UBE2H: variants seen among roughly 807,000 people sequenced by gnomAD.
The protein encoded by UBE2H is ubiquitin-conjugating enzyme E2 H.
Under a neutral mutation model 29.0 loss-of-function variants are expected in UBE2H, and 3 were observed. The observed-to-expected ratio is 0.10, with a 90% CI of 0.05 to 0.27. The LOEUF is 0.27. Ranked by LOEUF, UBE2H falls within the 10% of genes least tolerant of loss-of-function variation. UBE2H has a pLI of 1.00. For synonymous variants in UBE2H, 69 were observed against 82.9 expected (o/e 0.83, Z 0.91); for missense variants, 68 against 228.2 (o/e 0.30, Z 4.52).
chr7:129,918,433 A>C (rs537888258), intron 1 of UBE2H, among the ~76,000 whole-genome samples: 1 of 150,626 alleles, frequency 6.6e-6, no homozygotes, highest in African/African-American at 2.5e-5. Flanking sequence ...ATCAAGACTC[A>C]CTGCAACCTC....
intron 1 of UBE2H, among the ~76,000 whole-genome samples, chr7:129,946,417 C>G (rs1172182221): frequency 6.6e-6 from 1 of 152,046 alleles, no homozygotes; most frequent in African/African-American, 2.4e-5. Context: ...AAAAACAGGG[C>G]AGACACATAC....
intron 1 of UBE2H, among the ~76,000 whole-genome samples, chr7:129,895,097 T>A (rs954814852): frequency 1.3e-5 from 2 of 152,218 alleles, no homozygotes; most frequent in Admixed American, 1.3e-4. Context: ...CTTTTTCTGC[T>A]CTCAGGAAAT....
intron 1 of UBE2H, among the ~76,000 whole-genome samples, chr7:129,897,812 A>C (rs1806629093): frequency 6.6e-6 from 1 of 152,240 alleles, no homozygotes; most frequent in Admixed American, 6.5e-5. Flanking sequence ...ATCAAAAAGT[A>C]ATCTAAAGAG....
intron 3 of UBE2H, among the ~76,000 whole-genome samples, chr7:129,873,955 G>A (rs879782703): frequency 6.6e-6 from 1 of 152,084 alleles, no homozygotes; most frequent in Non-Finnish European, 1.5e-5. Context: ...GATATAGATC[G>A]GTAGCATTTC....
intron 1 of UBE2H, among the ~76,000 whole-genome samples, chr7:129,887,325 G>A (rs1210082571): frequency 2.0e-5 from 3 of 150,068 alleles, no homozygotes; most frequent in African/African-American, 7.4e-5. Flanking sequence ...AGGTTCAAGC[G>A]ATTCTCCTGC....
intron 3 of UBE2H, 34 bp from the exon 4 acceptor site, chr7:129,858,975 T>A: frequency 3.2e-6 from 5 of 1,561,684 alleles, no homozygotes; most frequent in Non-Finnish European, 4.4e-6. Context: ...CAGCAAAAAG[T>A]ATCCAGAGAA....
In UBE2H at chr7:129,931,799, T is replaced by C. The variant is rs142720152; in HGVS notation, c.53+20704A>G. Among the ~76,000 whole-genome samples, 8 of 152,194 alleles carry C rather than the reference T, an allele frequency of 5.3e-5. No homozygotes were observed. In the East Asian group the frequency reaches 1.4e-3, roughly 26 times the overall value. ...AATCTTAAATTGTACCAACGAACTT[T>C]TCATATTCTTATATTAAAATCCACT... On this transcript the variant is annotated intron_variant, in intron 1 of 6. Transcript: ENST00000355621.
At chr7:129,951,910 G>C (rs1490047746) in intron 1 of UBE2H, among the ~76,000 whole-genome samples, 4 of 152,184 alleles carry the variant, frequency 2.6e-5, no homozygotes, top group Non-Finnish European at 5.9e-5. Context: ...CCGGGGACCA[G>C]AAAGCTTAAC....
chr7:129,909,111 C>T (rs1756809315), intron 1 of UBE2H, among the ~76,000 whole-genome samples: 1 of 152,140 alleles, frequency 6.6e-6, no homozygotes, highest in South Asian at 2.1e-4. Context: ...GACACTAAAA[C>T]CATCATTTGA....
intron 1 of UBE2H, among the ~76,000 whole-genome samples, chr7:129,905,708 A>G (rs189337497): frequency 2.0e-4 from 30 of 152,308 alleles, no homozygotes. Context: ...GATGATTCCA[A>G]TGTTTCTGGC....
intron 1 of UBE2H, among the ~76,000 whole-genome samples, chr7:129,885,498 T>C (rs1806341334): frequency 6.6e-6 from 1 of 150,848 alleles, no homozygotes; most frequent in African/African-American, 2.4e-5. Flanking sequence ...GTTCCTTCCA[T>C]TTTGCGGTTT....
At chr7:129,931,342 C>T (rs943745673) in intron 1 of UBE2H, among the ~76,000 whole-genome samples, 1 of 151,046 alleles carries the variant, frequency 6.6e-6, no homozygotes, top group Non-Finnish European at 1.5e-5. Flanking sequence ...GAGCTGAGAT[C>T]ACGCCATGGC....
At chr7:129,858,140 T>C (rs939328552) in intron 4 of UBE2H, among the ~76,000 whole-genome samples, 1 of 152,222 alleles carries the variant, frequency 6.6e-6, no homozygotes, top group Non-Finnish European at 1.5e-5. Flanking sequence ...GTTACTGGAA[T>C]ATGGCAGTAG....
At chr7:129,873,063 A>G (rs1806075025) in intron 3 of UBE2H, among the ~76,000 whole-genome samples, 2 of 147,108 alleles carry the variant, frequency 1.4e-5, no homozygotes, top group African/African-American at 5.0e-5. Context: ...TCTGTTGCCC[A>G]GGCTGGAGTG....
intron 6 of UBE2H, among the ~76,000 whole-genome samples, chr7:129,835,377 C>T (rs1166876426): frequency 6.6e-6 from 1 of 152,140 alleles, no homozygotes; most frequent in Non-Finnish European, 1.5e-5. Flanking sequence ...GAGCCCCACG[C>T]TTTCTTTTTA....
At chr7:129,870,242 T>G (rs983534351) in intron 3 of UBE2H, among the ~76,000 whole-genome samples, 2 of 152,070 alleles carry the variant, frequency 1.3e-5, no homozygotes, top group African/African-American at 4.8e-5. Flanking sequence ...TCTTCCCAAC[T>G]CCAGCATCAC....
chr7:129,838,338 A>G (rs1352864120), intron 6 of UBE2H, among the ~76,000 whole-genome samples: 1 of 152,214 alleles, frequency 6.6e-6, no homozygotes, highest in Non-Finnish European at 1.5e-5. Context: ...TTCAGAGTGA[A>G]GACCTGCACA....
intron 1 of UBE2H, among the ~76,000 whole-genome samples, chr7:129,951,751 A>C (rs544013754): frequency 9.9e-5 from 15 of 152,018 alleles, no homozygotes; most frequent in Non-Finnish European, 2.1e-4. Flanking sequence ...CAGTCCAGGG[A>C]CTATTTATTT....
intron 1 of UBE2H, among the ~76,000 whole-genome samples, chr7:129,936,911 G>A (rs1807542112): frequency 6.6e-6 from 1 of 151,686 alleles, no homozygotes; most frequent in Non-Finnish European, 1.5e-5. Flanking sequence ...TGGGGAGACA[G>A]AGGTTGCAGT....
Sources: allele counts gnomAD v4.1 joint callset (sites outside exome capture counted in the v4.1 genomes callset), GRCh38; gene constraint gnomAD v4.1.1; transcripts MANE v1.5; gene names NCBI Gene and HGNC (gene_info 2026-07-23, HGNC 2026-07-21).